PRAG1: variants seen among roughly 807,000 people sequenced by gnomAD.
PRAG1 encodes the protein PEAK1 related, kinase-activating pseudokinase 1.
In PRAG1, 110 loss-of-function variants were observed where a neutral mutation model predicts 95.6. The observed-to-expected ratio is 1.15, with a 90% CI of 0.99 to 1.35. PRAG1 has a LOEUF of 1.35. PRAG1 is among the 40% of genes most tolerant of loss of function. PRAG1 has a pLI of 0.00. For synonymous variants in PRAG1, 1,052 were observed against 819.4 expected (o/e 1.28, Z -4.85); for missense variants, 2,554 against 1,864.7 (o/e 1.37, Z -6.81).
At chr8:8,385,081 AC>A (rs1249091322) in intron 1 of PRAG1, among the ~76,000 whole-genome samples, 1 of 152,190 alleles carries the variant, frequency 6.6e-6, no homozygotes, top group Admixed American at 6.5e-5. Context: ...CCTCAGACTT[AC>A]ATCAGAAGTT....
intron 3 of PRAG1, among the ~76,000 whole-genome samples, chr8:8,341,180 A>G (rs1365836218): frequency 6.6e-6 from 1 of 152,212 alleles, no homozygotes; most frequent in African/African-American, 2.4e-5. Context: ...CTTCAGGCCC[A>G]GAAAATCACT....
chr8:8,341,110 C>T (rs1378991955), intron 3 of PRAG1, among the ~76,000 whole-genome samples: 3 of 152,166 alleles, frequency 2.0e-5, no homozygotes, highest in African/African-American at 7.2e-5. Flanking sequence ...GAAGCCAGAG[C>T]CAGCTCTGTG....
chr8:8,376,729 C>T lies in PRAG1; in HGVS notation c.1680G>A (p.Pro560=), dbSNP rs375264618. 177 of 1,609,928 alleles carry T rather than the reference C, an allele frequency of 1.1e-4. No homozygotes were observed. The highest frequency in any genetic ancestry group is 1.6e-4 in the Middle Eastern group (1 of 6,062). ...GTGACACTGGGGGCCCTCCAGCAGA[C>T]GGTGACACCGGGGACCCTACAGGGC... is the stretch of plus-strand genomic sequence containing the variant. The part of the protein sequence containing the change: ...KSSPVGSPVS[P]SAGGPPVSPL... The change falls in exon 3 of 6, where the codon CCG becomes CCA. Residue 560 remains proline (P), a synonymous_variant. Coordinates refer to ENST00000615670, the MANE Select transcript of PRAG1 (RefSeq NM_001080826.3).
chr8:8,321,242 G>T (rs1798463454), intron 5 of PRAG1, among the ~76,000 whole-genome samples: 1 of 152,162 alleles, frequency 6.6e-6, no homozygotes, highest in South Asian at 2.1e-4. Flanking sequence ...GCACCACCAT[G>T]TCCAACTAAT....
chr8:8,365,104 G>A, intron 3 of PRAG1, among the ~76,000 whole-genome samples: 1 of 152,156 alleles, frequency 6.6e-6, no homozygotes, highest in East Asian at 1.9e-4. Flanking sequence ...GACATGACCT[G>A]TTTTCAATCA....
intron 2 of PRAG1, among the ~76,000 whole-genome samples, chr8:8,379,864 A>G (rs1054778479): frequency 6.6e-6 from 1 of 152,250 alleles, no homozygotes; most frequent in African/African-American, 2.4e-5. Flanking sequence ...CCCTAGAAGA[A>G]AGCTGGTAAA....
In PRAG1 at chr8:8,377,167, A is replaced by G; in HGVS notation, c.1242T>C (p.Ala414=). The G allele has an allele frequency of 6.2e-7, 1 of 1,611,712 alleles. No homozygotes were observed. The highest frequency in any genetic ancestry group is 8.5e-7 in the Non-Finnish European group (1 of 1,179,790). The part of the protein sequence containing the change: ...REATQPEPIY[A]ESTKRKKAAP... ...CTGCCTTCTTCCTCTTGGTGCTCTC[A>G]GCATAGATGGGTTCAGGCTGTGTAG... Residue 414 remains alanine (A), a synonymous_variant, in exon 3 of 6, where the codon GCT becomes GCC. Coordinates refer to ENST00000615670, the MANE Select transcript of PRAG1 (RefSeq NM_001080826.3).
chr8:8,346,056 A>G (rs1020347749), intron 3 of PRAG1, among the ~76,000 whole-genome samples: 1 of 152,234 alleles, frequency 6.6e-6, no homozygotes, highest in South Asian at 2.1e-4. Context: ...TACTATTGCA[A>G]TGATGACTTT....
At chr8:8,382,874 A>T (rs1344564421) in intron 1 of PRAG1, among the ~76,000 whole-genome samples, 8 of 152,192 alleles carry the variant, frequency 5.3e-5, no homozygotes, top group African/African-American at 1.9e-4. Flanking sequence ...GAGTTTGCCC[A>T]TTCTAGAAAC....
chr8:8,373,188 T>G (rs1378603029), intron 3 of PRAG1, among the ~76,000 whole-genome samples: 1 of 152,164 alleles, frequency 6.6e-6, no homozygotes, highest in African/African-American at 2.4e-5. Context: ...AACACTCTGA[T>G]TTGCCAACAC....
chr8:8,318,623 T>C lies in PRAG1; in HGVS notation c.3752A>G (p.Lys1251Arg), dbSNP rs1181528168. The part of the protein sequence containing the change: ...PEIVSASQYR[K>R]FDEFQTGILI... The stretch of plus-strand genomic sequence containing the variant: ...GATGCCTGTCTGGAACTCATCGAAC[T>C]TGCGGTACTGGGAAGCAGACACGAT... Residue 1251 changes from lysine (K) to arginine (R), a missense_variant, in exon 6 of 6, where the codon AAG (lysine) becomes AGG (arginine). Lys to Arg is a conservative substitution (Grantham distance 26, BLOSUM62 2). Transcript: ENST00000615670. This position sits in a 1 kb window ranked among gnomAD's most constrained non-coding sequence, Gnocchi z 4.2. 1 of 1,612,414 alleles carries C rather than the reference T, an allele frequency of 6.2e-7. No homozygotes were observed. The highest frequency in any genetic ancestry group is 8.5e-7 in the Non-Finnish European group (1 of 1,179,802).
In PRAG1 at chr8:8,328,296, T is replaced by G. The variant is rs757059242; in HGVS notation, c.2486A>C (p.Asp829Ala). 6 of 1,612,436 alleles carry G rather than the reference T, an allele frequency of 3.7e-6. No homozygotes were observed. In the East Asian group the frequency reaches 1.3e-4, roughly 36 times the overall value. The change falls in exon 5 of 6, where the codon GAT (aspartate) becomes GCT (alanine). Residue 829 changes from aspartate (D) to alanine (A), a missense_variant. Physicochemically the swap from Asp to Ala is moderately radical, Grantham distance 126. Coordinates refer to ENST00000615670, the MANE Select transcript of PRAG1 (RefSeq NM_001080826.3). Reference sequence around the variant, plus strand: ...GGAGCCTTGGGTCCAGAAGAAGCCATCCGGTGAAGAGGCTGCCCGGCTCAC... The same window carrying G: ...GGAGCCTTGGGTCCAGAAGAAGCCAGCCGGTGAAGAGGCTGCCCGGCTCAC... Reference protein sequence around the residue: ...KIVSRAASSPDGFFWTQGSPK... With the variant: ...KIVSRAASSPAGFFWTQGSPK...
chr8:8,346,080 G>T (rs1799331394), intron 3 of PRAG1, among the ~76,000 whole-genome samples: 1 of 152,160 alleles, frequency 6.6e-6, no homozygotes, highest in Admixed American at 6.5e-5. Flanking sequence ...GAGCCCTAAA[G>T]GATTGTTCTA....
chr8:8,372,356 A>G (rs1010107906), intron 3 of PRAG1, among the ~76,000 whole-genome samples: 2 of 152,182 alleles, frequency 1.3e-5, no homozygotes, highest in African/African-American at 2.4e-5. Context: ...CATTTAAACT[A>G]TGAGTTCACC....
intron 3 of PRAG1, among the ~76,000 whole-genome samples, chr8:8,372,740 C>G (rs1800252390): frequency 6.6e-6 from 1 of 152,210 alleles, no homozygotes; most frequent in African/African-American, 2.4e-5. Flanking sequence ...TACTGCCAAA[C>G]ATTCAAAACA....
chr8:8,350,015 G>C (rs1006541831), intron 3 of PRAG1, among the ~76,000 whole-genome samples: 1 of 151,774 alleles, frequency 6.6e-6, no homozygotes, highest in South Asian at 2.1e-4. Flanking sequence ...TTACTAGTTG[G>C]TTTCAGTCAA....
At position 8,376,421 on chromosome 8, in the gene PRAG1, G is replaced by A. The variant is rs769325354; in HGVS notation, c.1988C>T (p.Thr663Met). 1.1e-5 allele frequency: 17 copies of A among 1,614,062 alleles called. No homozygotes were observed. The Admixed American group carries it at 1.2e-4, about 11-fold the overall frequency. ...CCAGGTCGTGGAGTTTGAATGGTCCGTGGGGCCATTTTTGGTCTCTCTTCC... is the reference window on the plus strand; with the variant it reads ...CCAGGTCGTGGAGTTTGAATGGTCCATGGGGCCATTTTTGGTCTCTCTTCC... The part of the protein sequence containing the change: ...SWGRETKNGP[T>M]DHSNSTTWHR... The change falls in exon 3 of 6, where the codon ACG (threonine) becomes ATG (methionine). Residue 663 changes from threonine (T) to methionine (M), a missense_variant. Physicochemically the swap from Thr to Met is moderately conservative, Grantham distance 81. Transcript: ENST00000615670.
chr8:8,334,979 G>A (rs1798941156), intron 4 of PRAG1, among the ~76,000 whole-genome samples: 1 of 151,826 alleles, frequency 6.6e-6, no homozygotes, highest in Non-Finnish European at 1.5e-5. Context: ...GCTGAGGCAG[G>A]AGAATTGTTT....
chr8:8,330,332 C>T (rs919783860), intron 4 of PRAG1, among the ~76,000 whole-genome samples: 1 of 152,338 alleles, frequency 6.6e-6, no homozygotes. Context: ...TGCCACCGCA[C>T]TCCCACCTGG....
Sources: gnomAD v4.1 joint callset for allele counts (sites outside exome capture counted in the v4.1 genomes callset) on GRCh38, gnomAD v4.1.1 for gene constraint, Gnocchi (gnomAD v3.1) non-coding constraint, MANE v1.5 for transcripts, NCBI Gene and HGNC (gene_info 2026-07-23, HGNC 2026-07-21) for gene names.